TMEM67: variants seen among roughly 807,000 people sequenced by gnomAD.
TMEM67 encodes transmembrane protein 67.
Under a neutral mutation model 136.6 loss-of-function variants are expected in TMEM67, and 124 were observed. The observed-to-expected ratio is 0.91, with a 90% CI of 0.78 to 1.05. TMEM67 has a LOEUF of 1.05. TMEM67 is among the 50% of genes least tolerant of loss of function. TMEM67 has a pLI of 0.00. For missense variants in TMEM67, 1,107 were observed against 1,178.4 expected, an observed-to-expected ratio of 0.94 and a Z score of 0.89; for synonymous variants, 364 against 390.5, an observed-to-expected ratio of 0.93 and a Z score of 0.80.
At chr8:93,825,023 C>T in the TMEM67 span, among the ~76,000 whole-genome samples, 4 of 152,154 alleles carry the variant, frequency 2.6e-5, no homozygotes, top group East Asian at 1.9e-4. Flanking sequence ...AGCCTATGAG[C>T]CTCTTCTTTA....
Position 93,799,539 on chromosome 8 carries a change from A to G in TMEM67, c.2101-79A>G, listed in dbSNP as rs1814771201. 2.8e-6 allele frequency: 4 copies of G among 1,408,812 alleles called. No homozygotes were observed. In the Admixed American group the frequency reaches 5.5e-5, roughly 19 times the overall value. 87.3% of individuals were successfully genotyped at this position (1,408,812 alleles called of 1,614,324 possible). On this transcript the variant is annotated intron_variant, in intron 20 of 27. Coordinates refer to ENST00000453321, the MANE Select transcript of TMEM67 (RefSeq NM_153704.6). ...TTTTAGTTTTTCAAGGTGAGTAGGG[A>G]GAGGTTTTCTGTTTTCAGTCTAGAG...
the TMEM67 span, among the ~76,000 whole-genome samples, chr8:93,831,706 G>T: frequency 6.6e-6 from 1 of 152,016 alleles, no homozygotes; most frequent in African/African-American, 2.4e-5. Flanking sequence ...GTGTGTTTGT[G>T]CTTGTGTGCC....
At chr8:93,791,391 G>A in intron 15 of TMEM67, 72 bp downstream of exon 15, 1 of 1,159,986 alleles carries the variant, frequency 8.6e-7, no homozygotes, top group Non-Finnish European at 1.3e-6. Flanking sequence ...TGTGCAAGAA[G>A]TTGCTAAAAC....
chr8:93,804,596 A>AC (rs1183539223), intron 22 of TMEM67, among the ~76,000 whole-genome samples, 166 bp from the exon 23 acceptor site: 3 of 150,918 alleles, frequency 2.0e-5, no homozygotes, highest in South Asian at 2.1e-4. Context: ...AAAAAAAAAA[A>AC]ACACAAACCT....
chr8:93,795,842 A>G, intron 17 of TMEM67, 59 bp from the exon 18 acceptor site: 1 of 1,356,380 alleles, frequency 7.4e-7, no homozygotes, highest in Non-Finnish European at 1.0e-6. Context: ...ACAAAAAACA[A>G]ACAAACAAAC....
At chr8:93,777,654 T>G (rs1389223852) in intron 7 of TMEM67, among the ~76,000 whole-genome samples, 1 of 152,170 alleles carries the variant, frequency 6.6e-6, no homozygotes, top group East Asian at 1.9e-4. Flanking sequence ...TCCATGTCGT[T>G]GTGTGGTTTT....
chr8:93,797,275 A>G (rs1563472176), intron 19 of TMEM67, 42 bp downstream of exon 19: 1 of 1,610,830 alleles, frequency 6.2e-7, no homozygotes. Context: ...TTCTTTTGCT[A>G]CCCTTGCAGA....
intron 2 of TMEM67, chr8:93,756,474 T>G (rs1448652071): frequency 6.6e-6 from 1 of 152,214 alleles, no homozygotes; most frequent in Non-Finnish European, 1.5e-5. Flanking sequence ...TGTGTAACAG[T>G]TGTGACATTT....
chr8:93,822,282 G>C (rs557182000), downstream of TMEM67, among the ~76,000 whole-genome samples: 1 of 152,284 alleles, frequency 6.6e-6, no homozygotes, highest in South Asian at 2.1e-4. Flanking sequence ...AAATAAAACC[G>C]TGTGATACCA....
At chr8:93,780,474 C>A (rs1049979409) in intron 7 of TMEM67, 119 bp from the exon 8 acceptor site, 2 of 1,026,364 alleles carry the variant, frequency 1.9e-6, no homozygotes, top group African/African-American at 1.6e-5. Context: ...AGCTGCAGAC[C>A]GGAGCTGTTC....
rs181363568 is a variant in TMEM67 at position 93,777,973 on chromosome 8, A to T, written c.715-2620A>T. On this transcript the variant is annotated intron_variant, in intron 7 of 27. Coordinates refer to ENST00000453321, the MANE Select transcript of TMEM67 (RefSeq NM_153704.6). ...TGGGGTGTTAAAGTCTCCCATTATTATTGTGTGGGAGTCTAAGTCTCTTTG... is the reference window on the plus strand; with the variant it reads ...TGGGGTGTTAAAGTCTCCCATTATTTTTGTGTGGGAGTCTAAGTCTCTTTG... Among the ~76,000 whole-genome samples the T allele has an allele frequency of 7.0e-4, 107 of 152,144 alleles. 1 individual carries two copies. In the East Asian group the frequency reaches 0.013, roughly 19 times the overall value.
chr8:93,762,867 G>A, intron 3 of TMEM67: 1 of 361,596 alleles, frequency 2.8e-6, no homozygotes, highest in South Asian at 2.1e-5. Context: ...TATTGTTCTA[G>A]CATACTTTTT....
chr8:93,818,977 A>T (rs1563488824), downstream of TMEM67: 3 of 403,882 alleles, frequency 7.4e-6, no homozygotes, highest in Non-Finnish European at 1.4e-5. Flanking sequence ...AATTTTTTGT[A>T]TTTTTTTTGT....
the TMEM67 span, among the ~76,000 whole-genome samples, chr8:93,829,316 C>G: frequency 2.4e-3 from 360 of 152,270 alleles, 3 homozygotes; most frequent in African/African-American, 8.5e-3. Flanking sequence ...CTTGAACTCT[C>G]TCACTCAAGT....
At chr8:93,786,434 A>G in intron 13 of TMEM67, 88 bp downstream of exon 13, 4 of 1,460,330 alleles carry the variant, frequency 2.7e-6, no homozygotes, top group Non-Finnish European at 2.9e-6. Context: ...CAATAAGGAC[A>G]ACTGAATTGG....
intron 1 of TMEM67, among the ~76,000 whole-genome samples, 177 bp from the exon 2 acceptor site, chr8:93,755,601 A>G (rs1298081367): frequency 6.6e-6 from 1 of 152,144 alleles, no homozygotes; most frequent in African/African-American, 2.4e-5. Flanking sequence ...TACGATTGGA[A>G]CTCAAGAAGT....
chr8:93,754,865 G>A (rs767094238), upstream of TMEM67: 3 of 1,563,230 alleles, frequency 1.9e-6, no homozygotes, highest in East Asian at 4.5e-5. Flanking sequence ...CGAAGCCGCC[G>A]CAGAGGCTGA....
Position 93,754,958 on chromosome 8 carries a change from C to T in TMEM67, c.44C>T (p.Ser15Phe). Residue 15 changes from serine to phenylalanine, a missense_variant, in exon 1 of 28, where the codon TCC becomes TTC. Coordinates refer to ENST00000453321, the MANE Select transcript of TMEM67 (RefSeq NM_153704.6). ...GCTGGGGTGGCAATGGCGGTTTGGTCCCTCTTATCCGCCCGGGCCGTGACC... is the reference window on the plus strand; with the variant it reads ...GCTGGGGTGGCAATGGCGGTTTGGTTCCTCTTATCCGCCCGGGCCGTGACC... ...GGAGVAMAVWSLLSARAVTAF... is the reference protein window; with the variant it reads ...GGAGVAMAVWFLLSARAVTAF... The T allele has an allele frequency of 1.2e-6, 2 of 1,614,120 alleles. No homozygotes were observed. Among genetic ancestry groups the T allele is most frequent in the Non-Finnish European group, 1.7e-6 (2 of 1,180,016 alleles).
At chr8:93,818,901 C>T (rs1053998531), downstream of TMEM67, 10 of 344,994 alleles carry the variant, frequency 2.9e-5, no homozygotes, top group Admixed American at 4.2e-4. Context: ...CTCCTAGGCT[C>T]AAGCAGTCCT....
Sources: allele counts gnomAD v4.1 joint callset (sites outside exome capture counted in the v4.1 genomes callset), GRCh38; gene constraint gnomAD v4.1.1; transcripts MANE v1.5; gene names NCBI Gene and HGNC (gene_info 2026-07-23, HGNC 2026-07-21).